DPP10: variants seen among roughly 807,000 people sequenced by gnomAD.
DPP10 encodes the protein dipeptidyl peptidase like 10, also known as inactive dipeptidyl peptidase 10.
A neutral mutation model predicts 120.9 loss-of-function variants in DPP10; 33 were observed. The ratio of observed to expected loss-of-function variants is 0.27; its 90% CI spans 0.21 to 0.37. DPP10 has a LOEUF of 0.37. DPP10 is among the 10% of genes least tolerant of loss of function. The pLI is 1.00. For missense variants in DPP10, 816 were observed against 942.8 expected (o/e 0.87, Z 1.76); for synonymous variants, 337 against 326.1 (o/e 1.03, Z -0.36).
At chr2:115,579,766 TCA>T (rs2081908230) in intron 5 of DPP10, 1 of 152,304 alleles carries the variant, frequency 6.6e-6, no homozygotes, top group Non-Finnish European at 1.5e-5. Flanking sequence ...TCTCTCTCTC[TCA>T]GTTTCTCTCT....
At chr2:114,640,493 C>T (rs1268140097) in intron 1 of DPP10, among the ~76,000 whole-genome samples, 1 of 151,756 alleles carries the variant, frequency 6.6e-6, no homozygotes, top group Non-Finnish European at 1.5e-5. Context: ...TGTGATTCTT[C>T]CATAGTGTAG....
intron 1 of DPP10, among the ~76,000 whole-genome samples, chr2:114,676,470 A>G (rs1189028309): frequency 6.6e-6 from 1 of 152,132 alleles, no homozygotes; most frequent in South Asian, 2.1e-4. Flanking sequence ...CTAATCAAAC[A>G]TTGGCACATC....
intron 1 of DPP10, among the ~76,000 whole-genome samples, chr2:114,593,272 C>G (rs1380875634): frequency 2.0e-5 from 3 of 152,154 alleles, no homozygotes; most frequent in African/African-American, 7.2e-5. Flanking sequence ...CTGTAAGGAA[C>G]TCTACCAATG....
intron 5 of DPP10, among the ~76,000 whole-genome samples, chr2:115,539,484 C>T (rs1213671345): frequency 1.3e-5 from 2 of 151,850 alleles, no homozygotes; most frequent in African/African-American, 2.4e-5. Context: ...TTGTCCATCA[C>T]AGGCATTGTG....
chr2:115,194,501 G>A (rs1364305577), intron 1 of DPP10, among the ~76,000 whole-genome samples: 1 of 152,150 alleles, frequency 6.6e-6, no homozygotes, highest in Non-Finnish European at 1.5e-5. Context: ...CTAAGGCTAC[G>A]CACTTGTTTA....
At chr2:114,498,774 T>G (rs1024479544) in intron 1 of DPP10, among the ~76,000 whole-genome samples, 8 of 152,194 alleles carry the variant, frequency 5.3e-5, no homozygotes, top group African/African-American at 1.9e-4. Flanking sequence ...AGGTCCTACC[T>G]CTCAACATTG....
At chr2:114,525,404 T>C (rs909726855) in intron 1 of DPP10, among the ~76,000 whole-genome samples, 1 of 152,212 alleles carries the variant, frequency 6.6e-6, no homozygotes, top group Admixed American at 6.5e-5. Context: ...CTGATAAAAA[T>C]ATTGAAGGAA....
intron 1 of DPP10, among the ~76,000 whole-genome samples, chr2:114,612,208 C>T (rs1693334840): frequency 6.6e-6 from 1 of 152,180 alleles, no homozygotes; most frequent in Admixed American, 6.6e-5. Context: ...TCTGGCTCTT[C>T]ACCTATGACT....
intron 1 of DPP10, among the ~76,000 whole-genome samples, chr2:114,556,234 C>CATATATATAT (rs56772742): frequency 0.062 from 5,320 of 86,072 alleles, 348 homozygotes; most frequent in East Asian, 0.082. Context: ...ATAGATGATA[C>CATATATATAT]ATATATATAT....
intron 1 of DPP10, among the ~76,000 whole-genome samples, chr2:114,699,933 G>A (rs1573995561): frequency 1.3e-5 from 2 of 152,002 alleles, no homozygotes; most frequent in South Asian, 2.1e-4. Flanking sequence ...AGTCAAATTC[G>A]GGTTTGTTGA....
chr2:115,464,932 C>T (rs558500143), intron 3 of DPP10, among the ~76,000 whole-genome samples: 2 of 152,114 alleles, frequency 1.3e-5, no homozygotes, highest in African/African-American at 4.8e-5. Context: ...TATCTACCAA[C>T]GTCCTTTCTT....
At chr2:115,763,934 A>AT (rs1680407311) in intron 12 of DPP10, among the ~76,000 whole-genome samples, 1 of 152,176 alleles carries the variant, frequency 6.6e-6, no homozygotes, top group South Asian at 2.1e-4. Context: ...CAGGGACTTC[A>AT]TAAGTGCCCT....
At chr2:115,323,490 T>A (rs929741641) in intron 2 of DPP10, among the ~76,000 whole-genome samples, 3 of 152,206 alleles carry the variant, frequency 2.0e-5, no homozygotes, top group African/African-American at 7.2e-5. Context: ...TATTTTGACC[T>A]TTTCACATAA....
intron 1 of DPP10, among the ~76,000 whole-genome samples, chr2:115,091,344 C>G (rs767460093): frequency 3.9e-5 from 6 of 152,222 alleles, no homozygotes; most frequent in Non-Finnish European, 8.8e-5. Context: ...GATTCATTCA[C>G]TCACTTTTAG....
chr2:114,845,927 C>T (rs562778893), intron 1 of DPP10, among the ~76,000 whole-genome samples: 6 of 152,016 alleles, frequency 3.9e-5, no homozygotes, highest in Non-Finnish European at 8.8e-5. Flanking sequence ...CCATAAGGAG[C>T]TTGGGGAGTT....
chr2:115,518,670 T>C (rs2077632882), intron 4 of DPP10, among the ~76,000 whole-genome samples: 1 of 152,038 alleles, frequency 6.6e-6, no homozygotes, highest in South Asian at 2.1e-4. Context: ...ATTATTTTTG[T>C]TTATGAAATT....
At chr2:115,753,116 T>G in intron 10 of DPP10, 58 bp from the exon 11 acceptor site, 1 of 1,508,382 alleles carries the variant, frequency 6.6e-7, no homozygotes, top group Non-Finnish European at 9.0e-7. Flanking sequence ...TGTATATTGT[T>G]GGTACTATAT....
intron 1 of DPP10, among the ~76,000 whole-genome samples, chr2:114,664,710 GAGAGGAACACAGATGGCAT>G (rs796775874): frequency 2.0e-5 from 3 of 152,020 alleles, no homozygotes; most frequent in African/African-American, 7.2e-5. Flanking sequence ...ATCGGGGATG[GAGAGGAACACAGATGGCAT>G]AGAGCATCCA....
At chr2:115,673,148 CT>C (rs2090036555) in intron 5 of DPP10, among the ~76,000 whole-genome samples, 1 of 152,118 alleles carries the variant, frequency 6.6e-6, no homozygotes, top group Non-Finnish European at 1.5e-5. Flanking sequence ...ATTTTTTCCT[CT>C]ACTCTCTCTC....
Sources: gnomAD v4.1 joint callset for allele counts (sites outside exome capture counted in the v4.1 genomes callset) on GRCh38, gnomAD v4.1.1 for gene constraint, MANE v1.5 for transcripts, NCBI Gene and HGNC (gene_info 2026-07-23, HGNC 2026-07-21) for gene names.